The following RNF13 variants were observed in gnomAD, a reference collection of about 807,000 sequenced individuals.
RNF13 encodes the protein E3 ubiquitin-protein ligase RNF13.
Under a neutral mutation model 37.7 loss-of-function variants are expected in RNF13, and 19 were observed. The ratio of observed to expected loss-of-function variants is 0.50; its 90% CI spans 0.35 to 0.74. The LOEUF (loss-of-function observed/expected upper bound fraction) is 0.74, where lower values mean the gene tolerates loss of function less well. Among genes scored for constraint, RNF13 ranks in the 30% least tolerant of loss-of-function variants. The pLI is 0.01. For missense variants in RNF13, 375 were observed against 453.0 expected (o/e 0.83, Z 1.56); for synonymous variants, 144 against 157.8 (o/e 0.91, Z 0.65).
chr3:149,815,809 T>C (rs969433583), intron 1 of RNF13, among the ~76,000 whole-genome samples: 2 of 152,216 alleles, frequency 1.3e-5, no homozygotes, highest in African/African-American at 4.8e-5. Flanking sequence ...GTAGCTAATA[T>C]TGATTGGTTA....
chr3:149,839,737 A>T (rs2108359836), intron 1 of RNF13, among the ~76,000 whole-genome samples: 1 of 152,304 alleles, frequency 6.6e-6, no homozygotes, highest in South Asian at 2.1e-4. Context: ...CATACCAGCC[A>T]TAATACTATC....
chr3:149,910,236 A>G (rs983994347), intron 6 of RNF13, among the ~76,000 whole-genome samples: 12 of 152,100 alleles, frequency 7.9e-5, no homozygotes, highest in African/African-American at 2.7e-4. Flanking sequence ...GCTGGAAGAG[A>G]TGGTATCAAA....
intron 4 of RNF13, among the ~76,000 whole-genome samples, chr3:149,883,165 C>T (rs1469554661): frequency 6.6e-6 from 1 of 151,946 alleles, no homozygotes; most frequent in Non-Finnish European, 1.5e-5. Flanking sequence ...TCTTTTTAAC[C>T]ATTTCAGGAT....
chr3:149,873,230 A>G (rs1033598827), intron 4 of RNF13, among the ~76,000 whole-genome samples: 3 of 152,238 alleles, frequency 2.0e-5, no homozygotes, highest in African/African-American at 7.2e-5. Context: ...GGTTTACTAC[A>G]CTATTATGCT....
chr3:149,928,614 A>G (rs1025715071), intron 8 of RNF13, among the ~76,000 whole-genome samples: 11 of 152,060 alleles, frequency 7.2e-5, no homozygotes, highest in South Asian at 2.1e-4. Flanking sequence ...AGTCTTCCAC[A>G]TTTGTTGTTG....
intron 8 of RNF13, among the ~76,000 whole-genome samples, chr3:149,924,133 A>AG (rs2108543233): frequency 6.6e-6 from 1 of 152,314 alleles, no homozygotes; most frequent in South Asian, 2.1e-4. Context: ...AGAGGAGACA[A>AG]GGATGACTCC....
intron 5 of RNF13, among the ~76,000 whole-genome samples, chr3:149,899,306 G>T (rs1236137041): frequency 6.6e-6 from 1 of 152,066 alleles, no homozygotes. Context: ...AATTAGCCAG[G>T]TGTGGTGGCG....
chr3:149,831,725 A>T (rs1047678431), intron 1 of RNF13, among the ~76,000 whole-genome samples: 1 of 152,154 alleles, frequency 6.6e-6, no homozygotes, highest in Non-Finnish European at 1.5e-5. Context: ...ATATGAGGAC[A>T]TGAGATTTGG....
chr3:149,934,824 C>T (rs1315932582), intron 8 of RNF13, among the ~76,000 whole-genome samples: 37 of 151,980 alleles, frequency 2.4e-4, no homozygotes, highest in Admixed American at 2.4e-3. Flanking sequence ...ACCATGTTGC[C>T]CAAGGCTGGT....
intron 8 of RNF13, among the ~76,000 whole-genome samples, chr3:149,926,188 ATTC>A (rs1451567786): frequency 7.9e-5 from 12 of 152,004 alleles, no homozygotes; most frequent in Admixed American, 7.9e-4. Context: ...TCATGGTAGT[ATTC>A]TTCTATTTTT....
intron 8 of RNF13, among the ~76,000 whole-genome samples, chr3:149,941,996 C>T (rs1429202863): frequency 6.6e-6 from 1 of 151,706 alleles, no homozygotes; most frequent in Non-Finnish European, 1.5e-5. Context: ...ATCTTGGCAT[C>T]CTTGTCAAAA....
intron 1 of RNF13, among the ~76,000 whole-genome samples, chr3:149,833,839 A>C (rs942655364): frequency 6.6e-6 from 1 of 152,238 alleles, no homozygotes; most frequent in African/African-American, 2.4e-5. Flanking sequence ...TAAGCAGATG[A>C]TATGACCTTA....
chr3:149,916,392 A>C (rs900399149), intron 7 of RNF13, among the ~76,000 whole-genome samples: 3 of 152,206 alleles, frequency 2.0e-5, no homozygotes. Flanking sequence ...TTGCCTTATT[A>C]GTCTTTCAAA....
At chr3:149,941,233 A>G (rs1423337473) in intron 8 of RNF13, among the ~76,000 whole-genome samples, 1 of 152,058 alleles carries the variant, frequency 6.6e-6, no homozygotes, top group Non-Finnish European at 1.5e-5. Flanking sequence ...GGATTGCTGA[A>G]TCATATTCTA....
chr3:149,854,125 C>T (rs1251380967), intron 3 of RNF13, among the ~76,000 whole-genome samples: 4 of 152,002 alleles, frequency 2.6e-5, no homozygotes, highest in East Asian at 3.9e-4. Context: ...CATGAGCCAC[C>T]GTGCCTAGCC....
intron 4 of RNF13, among the ~76,000 whole-genome samples, chr3:149,885,316 C>T (rs1347628729): frequency 6.6e-6 from 1 of 152,120 alleles, no homozygotes; most frequent in Non-Finnish European, 1.5e-5. Flanking sequence ...GCCGTTCTCC[C>T]TAGTGATTGT....
chr3:149,827,871 A>G lies in RNF13; in HGVS notation c.-17+14518A>G, dbSNP rs147542970. ...ATGCCTGTTATCCTAGCATTTTGGG[A>G]GGCCAAGGTGGGAGGATCGCTTGAG... On this transcript the variant is annotated intron_variant, in intron 1 of 9. Coordinates refer to ENST00000392894, the MANE Select transcript of RNF13 (RefSeq NM_183381.3). 1.8e-4 allele frequency among the ~76,000 whole-genome samples: 27 copies of G among 151,774 alleles called. No homozygotes were observed. In the East Asian group the frequency reaches 4.4e-3, roughly 25 times the overall value.
At chr3:149,817,014 G>T (rs926696174) in intron 1 of RNF13, among the ~76,000 whole-genome samples, 1 of 152,190 alleles carries the variant, frequency 6.6e-6, no homozygotes, top group South Asian at 2.1e-4. Context: ...TGAAGAACAG[G>T]TTTTGGTGGA....
chr3:149,834,936 A>G (rs1292566494), intron 1 of RNF13, among the ~76,000 whole-genome samples: 6 of 152,232 alleles, frequency 3.9e-5, no homozygotes, highest in East Asian at 1.9e-4. Context: ...AGTCTCTTCT[A>G]CAAATGGTGT....
Sources: gnomAD v4.1 joint callset for allele counts (sites outside exome capture counted in the v4.1 genomes callset) on GRCh38, gnomAD v4.1.1 for gene constraint, MANE v1.5 for transcripts, NCBI Gene and HGNC (gene_info 2026-07-23, HGNC 2026-07-21) for gene names.